The following F13A1 variants were observed in gnomAD, a reference collection of about 807,000 sequenced individuals.
F13A1 encodes the protein FSF, A subunit.
Under a neutral mutation model 80.1 loss-of-function variants are expected in F13A1, and 47 were observed. The observed-to-expected ratio is 0.59, with a 90% CI of 0.46 to 0.75. The LOEUF is 0.75. Ranked by LOEUF, F13A1 falls within the 30% of genes least tolerant of loss-of-function variation. F13A1 has a pLI of 0.00. For missense variants in F13A1, 817 were observed against 930.4 expected, an observed-to-expected ratio of 0.88 and a Z score of 1.59; for synonymous variants, 349 against 344.9, an observed-to-expected ratio of 1.01 and a Z score of -0.13.
At chr6:6,197,131 A>C (rs1050745984) in intron 9 of F13A1, 92 bp downstream of exon 9, 1 of 1,199,066 alleles carries the variant, frequency 8.3e-7, no homozygotes, top group African/African-American at 1.5e-5. Context: ...TTGCCTCCCA[A>C]TGGGCGTGGT....
rs763844189 is a variant in F13A1 at position 6,174,780 on chromosome 6, C to T, written c.1547G>A (p.Arg516Lys). Residue 516 changes from arginine to lysine, a missense_variant, in exon 12 of 15, where the codon AGG (arginine) becomes AAG (lysine). Physicochemically the swap from Arg to Lys is conservative, Grantham distance 26. Transcript: ENST00000264870. ...PLNTEGVMKSRSNVDMDFEVE... is the reference protein window; with the variant it reads ...PLNTEGVMKSKSNVDMDFEVE... ...TTCAAAGTCCATGTCAACGTTGGAC[C>T]TTGATTTCATGACACCTTCTGTGTT... 1.9e-6 allele frequency: 3 copies of T among 1,614,152 alleles called. No homozygotes were observed. The highest frequency in any genetic ancestry group is 1.7e-5 in the Admixed American group (1 of 60,024).
chr6:6,261,587 AGGTG>A, intron 4 of F13A1, among the ~76,000 whole-genome samples: 1 of 83,488 alleles, frequency 1.2e-5, no homozygotes, highest in Non-Finnish European at 2.9e-5. Flanking sequence ...CAAGCCCTCC[AGGTG>A]ATTCTGATGT....
chr6:6,170,085 C>T (rs1242296839), intron 12 of F13A1, among the ~76,000 whole-genome samples: 1 of 152,156 alleles, frequency 6.6e-6, no homozygotes, highest in East Asian at 1.9e-4. Context: ...TGGTTACAGC[C>T]TCAGATGAGC....
chr6:6,252,822 T>C (rs1757651606), intron 4 of F13A1, among the ~76,000 whole-genome samples: 1 of 152,166 alleles, frequency 6.6e-6, no homozygotes, highest in African/African-American at 2.4e-5. Flanking sequence ...TTTTGGAACT[T>C]TGCATGCTCA....
At chr6:6,209,790 A>G (rs565615967) in intron 8 of F13A1, among the ~76,000 whole-genome samples, 1 of 152,356 alleles carries the variant, frequency 6.6e-6, no homozygotes, top group South Asian at 2.1e-4. Flanking sequence ...AAATGATCAG[A>G]ACTGGCAAAT....
At chr6:6,233,726 A>G (rs1757380986) in intron 6 of F13A1, among the ~76,000 whole-genome samples, 2 of 152,174 alleles carry the variant, frequency 1.3e-5, no homozygotes, top group Non-Finnish European at 2.9e-5. Flanking sequence ...TGAATCCAAC[A>G]ACATATCAAA....
chr6:6,163,611 G>A (rs1464637076), intron 13 of F13A1, among the ~76,000 whole-genome samples: 21 of 152,090 alleles, frequency 1.4e-4, no homozygotes, highest in Admixed American at 1.4e-3. Context: ...CTCTTCCTGT[G>A]TTAGTTTGCT....
rs557173268 is a variant in F13A1 at position 6,264,877 on chromosome 6, T to A, written c.571+1681A>T. The stretch of plus-strand genomic sequence containing the variant: ...TTACCTTGAATATCTGTCTCATAGA[T>A]AGGAGTGTTGGGTACAATATGATGA... On this transcript the variant is annotated intron_variant, in intron 4 of 14. Transcript: ENST00000264870. Among the ~76,000 whole-genome samples, 22 of 152,316 alleles carry A rather than the reference T, an allele frequency of 1.4e-4. No homozygotes were observed. In the South Asian group the frequency reaches 4.3e-3, roughly 30 times the overall value.
Position 6,304,590 on chromosome 6 carries a change from G to A in F13A1, c.319+761C>T, listed in dbSNP as rs146081994. On this transcript the variant is annotated intron_variant, in intron 3 of 14. Transcript: ENST00000264870. ...CAAGAGGAGGTTAAAGGCTGGGCAT[G>A]GTGTCTCATGCCTGCAATCCCAGCA... Among the ~76,000 whole-genome samples the A allele has an allele frequency of 9.3e-3, 1,414 of 152,224 alleles. 25 individuals are homozygous for A. Among genetic ancestry groups the A allele is most frequent in the African/African-American group, 0.032 (1,349 of 41,526 alleles).
At chr6:6,150,731 T>A (rs775053065) in intron 14 of F13A1, among the ~76,000 whole-genome samples, 4 of 152,146 alleles carry the variant, frequency 2.6e-5, no homozygotes, top group African/African-American at 7.2e-5. Flanking sequence ...ATGTGCTAGA[T>A]TGATTGATGC....
chr6:6,217,671 A>C (rs1370577174), intron 8 of F13A1, among the ~76,000 whole-genome samples: 1 of 152,142 alleles, frequency 6.6e-6, no homozygotes, highest in African/African-American at 2.4e-5. Flanking sequence ...TAAAACTTAA[A>C]GTATAATAAT....
chr6:6,197,901 G>C (rs1367350742), intron 8 of F13A1, among the ~76,000 whole-genome samples: 2 of 151,844 alleles, frequency 1.3e-5, no homozygotes, highest in African/African-American at 4.9e-5. Context: ...ATTTGAATCA[G>C]TGCATTGAAC....
intron 11 of F13A1, among the ~76,000 whole-genome samples, chr6:6,177,563 C>T (rs1332109866): frequency 6.6e-6 from 1 of 152,226 alleles, no homozygotes; most frequent in Non-Finnish European, 1.5e-5. Context: ...CAAAACTTTC[C>T]TCTTCATAAT....
intron 13 of F13A1, among the ~76,000 whole-genome samples, chr6:6,155,890 A>G (rs1190611962): frequency 2.0e-5 from 3 of 152,164 alleles, no homozygotes; most frequent in Non-Finnish European, 4.4e-5. Context: ...GCATAATTCC[A>G]TATCTGCATA....
At chr6:6,226,211 A>G (rs1757273644) in intron 6 of F13A1, among the ~76,000 whole-genome samples, 1 of 152,164 alleles carries the variant, frequency 6.6e-6, no homozygotes, top group Admixed American at 6.5e-5. Flanking sequence ...AGCTTTTCCA[A>G]AAACTGGTGC....
intron 8 of F13A1, among the ~76,000 whole-genome samples, chr6:6,211,662 T>C (rs1761612802): frequency 6.6e-6 from 1 of 152,168 alleles, no homozygotes; most frequent in Non-Finnish European, 1.5e-5. Flanking sequence ...GTGACAATAA[T>C]TAGGGGGAGG....
intron 14 of F13A1, among the ~76,000 whole-genome samples, chr6:6,146,495 C>T (rs1760282896): frequency 2.0e-5 from 3 of 152,152 alleles, no homozygotes; most frequent in Admixed American, 2.0e-4. Flanking sequence ...TCCTGAGTGT[C>T]ACGAACAAGC....
At chr6:6,157,057 T>C (rs912969993) in intron 13 of F13A1, among the ~76,000 whole-genome samples, 30 of 152,196 alleles carry the variant, frequency 2.0e-4, no homozygotes, top group African/African-American at 6.3e-4. Context: ...GTAGGAGAGA[T>C]TCAAATGTAG....
chr6:6,291,806 T>C (rs1758227702), intron 3 of F13A1, among the ~76,000 whole-genome samples: 1 of 152,206 alleles, frequency 6.6e-6, no homozygotes, highest in Non-Finnish European at 1.5e-5. Flanking sequence ...TTTACCTTTT[T>C]CTGAGTGAGC....
Sources: allele counts gnomAD v4.1 joint callset (sites outside exome capture counted in the v4.1 genomes callset), GRCh38; gene constraint gnomAD v4.1.1; transcripts MANE v1.5; gene names NCBI Gene and HGNC (gene_info 2026-07-23, HGNC 2026-07-21).